The following MARCHF1 variants were observed in gnomAD, a reference collection of about 807,000 sequenced individuals.
The protein encoded by MARCHF1 is E3 ubiquitin-protein ligase MARCHF1.
MARCHF1 carries 40 observed loss-of-function variants against 54.2 expected under a neutral mutation model. That is an observed-to-expected ratio of 0.74 (90% CI 0.57 to 0.96). The LOEUF (loss-of-function observed/expected upper bound fraction) is 0.96, where lower values mean the gene tolerates loss of function less well. Among genes scored for constraint, MARCHF1 ranks in the 40% least tolerant of loss-of-function variants. The probability of loss-of-function intolerance (pLI) is 0.00; values close to 1 mark genes in which losing one functional copy is unlikely to be tolerated. For missense variants in MARCHF1, 586 were observed against 656.5 expected (o/e 0.89, Z 1.17); for synonymous variants, 236 against 236.3 (o/e 1.00, Z 0.01).
intron 3 of MARCHF1, among the ~76,000 whole-genome samples, chr4:163,975,164 G>GCT (rs55675178): frequency 6.3e-5 from 8 of 127,100 alleles, no homozygotes; most frequent in Admixed American, 1.6e-4. Context: ...TCATAATAAA[G>GCT]CTCTCTCTCT....
chr4:163,945,042 T>A (rs1433027660), intron 3 of MARCHF1, among the ~76,000 whole-genome samples: 3 of 152,180 alleles, frequency 2.0e-5, no homozygotes, highest in Non-Finnish European at 4.4e-5. Context: ...AACAAACTGA[T>A]ATTGTCTTAC....
intron 3 of MARCHF1, among the ~76,000 whole-genome samples, chr4:163,988,253 A>G (rs1560850092): frequency 6.6e-6 from 1 of 152,244 alleles, no homozygotes; most frequent in Non-Finnish European, 1.5e-5. Context: ...TTAGAAAAAG[A>G]GGCAAAAGTT....
At chr4:164,277,745 C>T (rs191201236) in intron 1 of MARCHF1, among the ~76,000 whole-genome samples, 4 of 152,316 alleles carry the variant, frequency 2.6e-5, no homozygotes, top group Admixed American at 2.0e-4. Flanking sequence ...TTATATTTCC[C>T]ATATTGAACT....
chr4:164,250,772 C>T (rs368095725), intron 1 of MARCHF1, among the ~76,000 whole-genome samples: 5 of 152,138 alleles, frequency 3.3e-5, no homozygotes, highest in East Asian at 1.9e-4. Flanking sequence ...ATTTTAACAA[C>T]ATTGCCTAGA....
intron 1 of MARCHF1, among the ~76,000 whole-genome samples, chr4:164,317,810 T>C (rs1234505802): frequency 1.3e-5 from 2 of 152,182 alleles, no homozygotes; most frequent in African/African-American, 4.8e-5. Context: ...TGTGGATCAA[T>C]GGAGGAGTAG....
Position 163,885,819 on chromosome 4 carries a change from C to T in MARCHF1, c.-38-31650G>A, listed in dbSNP as rs1750517903. ...AGGTGCACTGGCTCACATTTGTAATCCCAGCACTTTGGGAGGCCAAGGCAG... is the reference window on the plus strand; with the variant it reads ...AGGTGCACTGGCTCACATTTGTAATTCCAGCACTTTGGGAGGCCAAGGCAG... On this transcript the variant is annotated intron_variant, in intron 3 of 9. Transcript: ENST00000514618. 3.3e-5 allele frequency among the ~76,000 whole-genome samples: 5 copies of T among 151,418 alleles called. No individual in the cohort carries two copies. In the South Asian group the frequency reaches 1.0e-3, roughly 31 times the overall value.
intron 4 of MARCHF1, among the ~76,000 whole-genome samples, chr4:163,771,413 A>C (rs1045605601): frequency 6.6e-6 from 1 of 152,220 alleles, no homozygotes; most frequent in Non-Finnish European, 1.5e-5. Context: ...TGGGTAGCTC[A>C]TAACAACAGG....
intron 7 of MARCHF1, among the ~76,000 whole-genome samples, chr4:163,599,684 G>A (rs1002191460): frequency 5.3e-5 from 8 of 151,994 alleles, no homozygotes; most frequent in African/African-American, 7.3e-5. Flanking sequence ...CATCAGACTC[G>A]CATGGAGGGT....
chr4:164,197,154 C>T (rs1183581643), intron 1 of MARCHF1: 2 of 1,607,190 alleles, frequency 1.2e-6, no homozygotes, highest in South Asian at 1.1e-5. Flanking sequence ...CCTCCTCGCC[C>T]TCCTCATCTT....
intron 3 of MARCHF1, among the ~76,000 whole-genome samples, chr4:163,905,195 T>C (rs778208995): frequency 6.6e-6 from 1 of 152,074 alleles, no homozygotes; most frequent in African/African-American, 2.4e-5. Flanking sequence ...ATGAACAGTA[T>C]TATACTTTAA....
At chr4:163,633,206 A>G (rs1742175032) in intron 5 of MARCHF1, among the ~76,000 whole-genome samples, 1 of 152,242 alleles carries the variant, frequency 6.6e-6, no homozygotes, top group Admixed American at 6.5e-5. Context: ...CCTCCAACGG[A>G]ACTCAGCTCC....
At position 163,553,098 on chromosome 4, in the gene MARCHF1, C is replaced by T. The variant is rs373114933; in HGVS notation, c.1192-7355G>A. On this transcript the variant is annotated intron_variant, in intron 8 of 9. Coordinates refer to ENST00000514618, the MANE Select transcript of MARCHF1 (RefSeq NM_001394959.1). The stretch of plus-strand genomic sequence containing the variant: ...CAAATTCTAGCTCTGCCACTAAGTA[C>T]TGTGTGACCTTGGGTGAGTTATTTT... 1.3e-3 allele frequency among the ~76,000 whole-genome samples: 203 copies of T among 151,332 alleles called. 2 individuals are homozygous for T. The highest frequency in any genetic ancestry group is 7.0e-3 in the Middle Eastern group (2 of 286).
intron 5 of MARCHF1, among the ~76,000 whole-genome samples, chr4:163,699,444 C>T (rs1197665635): frequency 1.3e-5 from 2 of 152,046 alleles, no homozygotes; most frequent in Admixed American, 1.3e-4. Context: ...AAAAACTGGG[C>T]TTTGGAAACC....
At chr4:163,875,508 TGAG>T (rs986359476) in intron 3 of MARCHF1, among the ~76,000 whole-genome samples, 3 of 151,096 alleles carry the variant, frequency 2.0e-5, no homozygotes, top group African/African-American at 2.5e-5. Context: ...CAACATGCTA[TGAG>T]AACAACTCAC....
chr4:163,634,516 G>A (rs1306162206), intron 5 of MARCHF1, among the ~76,000 whole-genome samples: 1 of 149,924 alleles, frequency 6.7e-6, no homozygotes, highest in African/African-American at 2.5e-5. Context: ...CTACATAATG[G>A]TAAAGGGATG....
intron 4 of MARCHF1, among the ~76,000 whole-genome samples, chr4:163,761,160 A>G (rs1387087000): frequency 6.6e-6 from 1 of 152,228 alleles, no homozygotes; most frequent in Non-Finnish European, 1.5e-5. Flanking sequence ...TTTATCAGTC[A>G]TATTGTAATC....
chr4:164,178,477 T>C (rs1730748249), intron 1 of MARCHF1, among the ~76,000 whole-genome samples: 1 of 152,054 alleles, frequency 6.6e-6, no homozygotes, highest in South Asian at 2.1e-4. Context: ...CAGGAAAGAG[T>C]GCAAGATGGA....
intron 4 of MARCHF1, among the ~76,000 whole-genome samples, chr4:163,745,741 T>G (rs73868689): frequency 0.02 from 3,097 of 152,326 alleles, 95 homozygotes; most frequent in African/African-American, 0.063. Context: ...TGGATGGCAC[T>G]GTTGCTTTCC....
intron 3 of MARCHF1, among the ~76,000 whole-genome samples, chr4:163,875,568 G>A (rs923650149): frequency 4.6e-5 from 7 of 152,004 alleles, no homozygotes; most frequent in African/African-American, 1.7e-4. Context: ...AATGGAAAGC[G>A]GTCTCATGAA....
Sources: allele counts gnomAD v4.1 joint callset (sites outside exome capture counted in the v4.1 genomes callset), GRCh38; gene constraint gnomAD v4.1.1; transcripts MANE v1.5; gene names NCBI Gene and HGNC (gene_info 2026-07-23, HGNC 2026-07-21).